Variants in NUP210L observed in about 807,000 individuals in gnomAD.
The protein encoded by NUP210L is nuclear pore membrane glycoprotein 210-like.
In NUP210L, 74 loss-of-function variants were observed where a neutral mutation model predicts 208.5. That is an observed-to-expected ratio of 0.35 (90% CI 0.29 to 0.43). The LOEUF (loss-of-function observed/expected upper bound fraction) is 0.43, where lower values mean the gene tolerates loss of function less well. NUP210L is among the 20% of genes least tolerant of loss of function. NUP210L has a pLI of 1.00. For synonymous variants in NUP210L, 780 were observed against 816.9 expected (o/e 0.95, Z 0.77); for missense variants, 1,843 against 2,289.4 (o/e 0.81, Z 3.98).
chr1:154,076,143 T>C (rs1318205273), intron 16 of NUP210L, among the ~76,000 whole-genome samples: 2 of 147,192 alleles, frequency 1.4e-5, no homozygotes, highest in South Asian at 4.4e-4. Context: ...CTCACTCTGT[T>C]GCCAGGCTGG....
chr1:154,147,240 G>T (rs1659161885), intron 2 of NUP210L, among the ~76,000 whole-genome samples: 1 of 152,088 alleles, frequency 6.6e-6, no homozygotes, highest in African/African-American at 2.4e-5. Context: ...CAATGGGAAG[G>T]GCCCTTCAAT....
At chr1:154,065,828 G>T (rs1265606724) in intron 17 of NUP210L, among the ~76,000 whole-genome samples, 3 of 142,018 alleles carry the variant, frequency 2.1e-5, no homozygotes, top group Non-Finnish European at 3.0e-5. Context: ...CGAAGGCAGA[G>T]GTTGCAGTAA....
At chr1:154,063,340 T>C (rs995486679) in intron 17 of NUP210L, among the ~76,000 whole-genome samples, 1 of 152,198 alleles carries the variant, frequency 6.6e-6, no homozygotes, top group Admixed American at 6.5e-5. Context: ...ACATATGCAA[T>C]ATATGCAAAG....
chr1:154,012,339 A>G lies in NUP210L; in HGVS notation c.4685T>C (p.Leu1562Pro), dbSNP rs747105871. ...GAGATAAGTCTTGAGGTCATAACTG[A>G]GCATTAATCTTGATGATGCATTGAC... The change falls in exon 34 of 40, where the codon CTC becomes CCC. Residue 1562 changes from leucine to proline, a missense_variant. Transcript: ENST00000368559. 8 of 1,613,534 alleles carry G rather than the reference A, an allele frequency of 5.0e-6. No individual in the cohort carries two copies. The African/African-American group carries it at 8.0e-5, about 16-fold the overall frequency.
intron 16 of NUP210L, among the ~76,000 whole-genome samples, chr1:154,077,137 G>A (rs1655079502): frequency 6.6e-6 from 1 of 152,074 alleles, no homozygotes; most frequent in Non-Finnish European, 1.5e-5. Context: ...CACTTTGGGG[G>A]GCCGAGGCAG....
intron 4 of NUP210L, among the ~76,000 whole-genome samples, chr1:154,140,998 A>G (rs900258315): frequency 2.2e-5 from 3 of 138,086 alleles, no homozygotes; most frequent in African/African-American, 5.3e-5. Context: ...CATCTCGAAG[A>G]AAAAAAAAAA....
intron 37 of NUP210L, among the ~76,000 whole-genome samples, chr1:154,000,067 G>A (rs1650120716): frequency 6.6e-6 from 1 of 152,018 alleles, no homozygotes; most frequent in Admixed American, 6.6e-5. Flanking sequence ...CTGAGCTCAA[G>A]GGATCTGCCC....
At chr1:154,009,339 A>G (rs1382010126) in intron 35 of NUP210L, among the ~76,000 whole-genome samples, 1 of 152,150 alleles carries the variant, frequency 6.6e-6, no homozygotes, top group East Asian at 1.9e-4. Context: ...ATATCTTTCA[A>G]TTCAACAAAA....
chr1:154,036,722 G>A (rs189334289), intron 27 of NUP210L, among the ~76,000 whole-genome samples: 10 of 152,056 alleles, frequency 6.6e-5, no homozygotes, highest in African/African-American at 2.4e-4. Context: ...CTGGAGTGCA[G>A]GGGCACCATT....
At chr1:153,994,905 G>A (rs560195326) in intron 38 of NUP210L, among the ~76,000 whole-genome samples, 171 bp downstream of exon 38, 18 of 151,676 alleles carry the variant, frequency 1.2e-4, no homozygotes, top group African/African-American at 3.1e-4. Flanking sequence ...CCAGCTACTC[G>A]GGAGGCTGAG....
intron 7 of NUP210L, among the ~76,000 whole-genome samples, chr1:154,131,246 C>A (rs531123084): frequency 6.9e-6 from 1 of 144,554 alleles, no homozygotes; most frequent in South Asian, 2.2e-4. Context: ...CACTCCAGCC[C>A]GGGCAACAGA....
intron 4 of NUP210L, among the ~76,000 whole-genome samples, chr1:154,140,718 T>C (rs1422521996): frequency 1.4e-5 from 2 of 147,148 alleles, no homozygotes; most frequent in Admixed American, 6.8e-5. Flanking sequence ...ACACGGTGGC[T>C]CACGCCGTAA....
At chr1:154,007,964 T>A (rs982085703) in intron 35 of NUP210L, among the ~76,000 whole-genome samples, 1 of 150,530 alleles carries the variant, frequency 6.6e-6, no homozygotes, top group African/African-American at 2.4e-5. Context: ...CTCTGCCTCC[T>A]GGATTCAAGT....
At chr1:154,041,827 C>A (rs1213393901) in intron 27 of NUP210L, among the ~76,000 whole-genome samples, 1 of 152,042 alleles carries the variant, frequency 6.6e-6, no homozygotes, top group East Asian at 1.9e-4. Context: ...GTGTTCCCTG[C>A]CTTCTTGCTG....
chr1:154,108,533 T>C (rs1349703627), intron 12 of NUP210L, among the ~76,000 whole-genome samples: 1 of 149,928 alleles, frequency 6.7e-6, no homozygotes, highest in African/African-American at 2.5e-5. Flanking sequence ...TGTTAAGACG[T>C]CATCAGTTTA....
At chr1:154,013,576 AAAAAC>A in intron 33 of NUP210L, among the ~76,000 whole-genome samples, 1 of 152,210 alleles carries the variant, frequency 6.6e-6, no homozygotes, top group Admixed American at 6.6e-5. Context: ...TCCATCTCAA[AAAAAC>A]AAAACAAAAC....
chr1:154,086,224 G>A (rs55917056), intron 16 of NUP210L, among the ~76,000 whole-genome samples: 39,563 of 146,288 alleles, frequency 0.27, 5,581 homozygotes, highest in Admixed American at 0.37. Flanking sequence ...AAAAAAAAAA[G>A]AAAGAAAGAA....
chr1:154,030,581 T>A (rs1487838982), intron 27 of NUP210L, among the ~76,000 whole-genome samples: 6 of 151,776 alleles, frequency 4.0e-5, no homozygotes, highest in Non-Finnish European at 8.8e-5. Context: ...TACAGTTAAT[T>A]TTTTGTTTTT....
intron 16 of NUP210L, among the ~76,000 whole-genome samples, chr1:154,089,180 A>G (rs1402557987): frequency 6.6e-6 from 1 of 152,148 alleles, no homozygotes; most frequent in Non-Finnish European, 1.5e-5. Flanking sequence ...AATGAGTAAA[A>G]TAGTTCATTC....
Sources: gnomAD v4.1 joint callset for allele counts (sites outside exome capture counted in the v4.1 genomes callset) on GRCh38, gnomAD v4.1.1 for gene constraint, MANE v1.5 for transcripts, NCBI Gene and HGNC (gene_info 2026-07-23, HGNC 2026-07-21) for gene names.